The following LRBA variants were observed in gnomAD, a reference collection of about 807,000 sequenced individuals.
The protein encoded by LRBA is LPS responsive beige-like anchor protein, also known as lipopolysaccharide-responsive and beige-like anchor protein.
LRBA carries 176 observed loss-of-function variants against 330.0 expected under a neutral mutation model. That is an observed-to-expected ratio of 0.53 (90% confidence interval 0.47 to 0.60). The LOEUF (loss-of-function observed/expected upper bound fraction) is 0.60. Ranked by LOEUF, LRBA falls within the 20% of genes least tolerant of loss-of-function variation. The probability of loss-of-function intolerance (pLI) is 0.00; values close to 1 mark genes in which losing one functional copy is unlikely to be tolerated. For missense variants in LRBA, 3,259 were observed against 3,444.8 expected (o/e 0.95, Z 1.35); for synonymous variants, 1,230 against 1,193.0 (o/e 1.03, Z -0.64).
intron 47 of LRBA, among the ~76,000 whole-genome samples, chr4:150,413,260 A>T (rs1031631730): frequency 6.6e-6 from 1 of 152,134 alleles, no homozygotes; most frequent in Non-Finnish European, 1.5e-5. Flanking sequence ...TAGGAATACA[A>T]AATGGTAAAC....
At chr4:150,699,933 C>T (rs1479857993) in intron 36 of LRBA, among the ~76,000 whole-genome samples, 1 of 152,042 alleles carries the variant, frequency 6.6e-6, no homozygotes. Context: ...ATCCCTTATC[C>T]AAAAATTCAA....
chr4:150,970,566 C>A (rs1385034561), intron 2 of LRBA: 23 of 142,630 alleles, frequency 1.6e-4, no homozygotes, highest in African/African-American at 6.0e-4. Flanking sequence ...TACACACACA[C>A]ACACACACAC....
chr4:150,512,842 T>C (rs1761973700), intron 40 of LRBA, among the ~76,000 whole-genome samples: 1 of 152,056 alleles, frequency 6.6e-6, no homozygotes, highest in Non-Finnish European at 1.5e-5. Context: ...AATAAAAATA[T>C]GCAATGTAGA....
chr4:150,646,451 A>T lies in LRBA; in HGVS notation c.5921+37100T>A, dbSNP rs568318349. 2.0e-5 allele frequency among the ~76,000 whole-genome samples: 3 copies of T among 152,208 alleles called. No individual in the cohort carries two copies. The South Asian group carries it at 6.2e-4, about 32-fold the overall frequency. ...ATTCAGGAGAGGTTATCTTAGCATAAGATACAAATTTGGGAGTCACTGGCC... is the reference window on the plus strand; with the variant it reads ...ATTCAGGAGAGGTTATCTTAGCATATGATACAAATTTGGGAGTCACTGGCC... On this transcript the variant is annotated intron_variant, in intron 37 of 56. Coordinates refer to ENST00000651943, the MANE Select transcript of LRBA (RefSeq NM_001364905.1).
intron 44 of LRBA, among the ~76,000 whole-genome samples, chr4:150,440,040 T>C (rs1751618175): frequency 6.6e-6 from 1 of 152,174 alleles, no homozygotes; most frequent in South Asian, 2.1e-4. Context: ...TCCTCTTACT[T>C]ATATAGTATA....
intron 40 of LRBA, among the ~76,000 whole-genome samples, chr4:150,502,073 G>A (rs1020482995): frequency 6.6e-6 from 1 of 152,172 alleles, no homozygotes; most frequent in African/African-American, 2.4e-5. Flanking sequence ...AGAGAGAGCT[G>A]CAAAGCAACA....
chr4:150,856,151 T>C (rs1023188662), intron 22 of LRBA, among the ~76,000 whole-genome samples: 2 of 152,110 alleles, frequency 1.3e-5, no homozygotes, highest in Non-Finnish European at 2.9e-5. Flanking sequence ...CTTTGTGGAG[T>C]GAAGTGAGAA....
intron 30 of LRBA, among the ~76,000 whole-genome samples, chr4:150,826,007 T>C (rs1746219559): frequency 1.3e-5 from 2 of 152,150 alleles, no homozygotes; most frequent in African/African-American, 4.8e-5. Context: ...AAAAAAAACT[T>C]GCACTTTTTG....
chr4:150,579,357 T>G (rs1408786885), intron 40 of LRBA: 39 of 424,002 alleles, frequency 9.2e-5, no homozygotes, highest in African/African-American at 2.9e-4. Flanking sequence ...GCAGCCAGAG[T>G]GAGTTGGGGT....
intron 37 of LRBA, among the ~76,000 whole-genome samples, chr4:150,636,375 G>T (rs970677422): frequency 1.3e-5 from 2 of 151,962 alleles, no homozygotes; most frequent in African/African-American, 4.8e-5. Flanking sequence ...ACGTTTGACT[G>T]TTCACTGATT....
chr4:150,268,287 A>T (rs922885246), intron 56 of LRBA, among the ~76,000 whole-genome samples: 14 of 152,200 alleles, frequency 9.2e-5, no homozygotes, highest in African/African-American at 2.9e-4. Context: ...TCAGTAATCA[A>T]AAACCTCCCA....
At chr4:150,721,262 G>A in intron 36 of LRBA, 1 of 381,110 alleles carries the variant, frequency 2.6e-6, no homozygotes, top group South Asian at 2.6e-5. Context: ...TAGATGAGTG[G>A]CTTTATAAGT....
At chr4:150,837,198 G>A (rs541664411) in intron 28 of LRBA, among the ~76,000 whole-genome samples, 1 of 152,312 alleles carries the variant, frequency 6.6e-6, no homozygotes, top group East Asian at 1.9e-4. Context: ...ATTTGCTGAG[G>A]AGTGCTTTAC....
At chr4:150,371,024 G>A (rs1740203050) in intron 47 of LRBA, among the ~76,000 whole-genome samples, 1 of 151,808 alleles carries the variant, frequency 6.6e-6, no homozygotes, top group African/African-American at 2.4e-5. Context: ...CACCAAATGT[G>A]CCACGGCCTA....
Position 150,914,340 on chromosome 4 carries a change from GT to G in LRBA, c.1015del (p.Thr339ProfsTer23). 6.8e-7 allele frequency: 1 copy of G among 1,470,656 alleles called. No homozygotes were observed. 91.1% of individuals were successfully genotyped at this position (1,470,656 alleles called of 1,614,324 possible). The part of the protein sequence containing the change: ...EITWFVNTSD[T>X]FDKCFLGSSE... Reference sequence around the variant, plus strand: ...TGAGCCCAGGAAACATTTGTCAAAGGTCTGTAAAAGAAAAAAAAAAAGGAAT... The same window carrying G: ...TGAGCCCAGGAAACATTTGTCAAAGGCTGTAAAAGAAAAAAAAAAAGGAAT... On this transcript the variant is annotated frameshift_variant and splice_region_variant, in exon 9 of 57. Coordinates refer to ENST00000651943, the MANE Select transcript of LRBA (RefSeq NM_001364905.1). LOFTEE classifies it high-confidence loss of function.
At chr4:150,989,899 T>C (rs1227555543) in intron 2 of LRBA, among the ~76,000 whole-genome samples, 1 of 151,708 alleles carries the variant, frequency 6.6e-6, no homozygotes, top group African/African-American at 2.4e-5. Context: ...TAAGGTGGGA[T>C]AATGGCTTAA....
intron 37 of LRBA, among the ~76,000 whole-genome samples, chr4:150,646,114 A>G (rs1339055441): frequency 6.6e-6 from 1 of 151,956 alleles, no homozygotes; most frequent in East Asian, 1.9e-4. Flanking sequence ...TCTCTGATAT[A>G]AGAAAATAAT....
At chr4:150,851,819 G>T (rs1578996425) in intron 23 of LRBA, 66 bp downstream of exon 23, 1 of 1,420,026 alleles carries the variant, frequency 7.0e-7, no homozygotes, top group African/African-American at 1.4e-5. Flanking sequence ...TAAAATTTAA[G>T]TATATACACT....
intron 13 of LRBA, among the ~76,000 whole-genome samples, chr4:150,904,813 C>T (rs1414481303): frequency 6.6e-6 from 1 of 152,002 alleles, no homozygotes; most frequent in African/African-American, 2.4e-5. Flanking sequence ...TTCTCTTTAA[C>T]ATTTGAAAAG....
Sources: allele counts gnomAD v4.1 joint callset (sites outside exome capture counted in the v4.1 genomes callset), GRCh38; gene constraint gnomAD v4.1.1; transcripts MANE v1.5; gene names NCBI Gene and HGNC (gene_info 2026-07-23, HGNC 2026-07-21).